Variants in CUBN observed in about 807,000 individuals in gnomAD.
CUBN encodes 460 kDa receptor.
In CUBN, 282 loss-of-function variants were observed where a neutral mutation model predicts 405.3. The ratio of observed to expected loss-of-function variants is 0.70; its 90% confidence interval spans 0.63 to 0.77. CUBN has a LOEUF of 0.77. Ranked by LOEUF, CUBN falls within the 30% of genes least tolerant of loss-of-function variation. CUBN has a pLI of 0.00. For missense variants in CUBN, 4,514 were observed against 4,475.2 expected (o/e 1.01, Z -0.25); for synonymous variants, 1,684 against 1,617.0 (o/e 1.04, Z -0.99).
chr10:17,075,405 G>A (rs903037435), intron 17 of CUBN, among the ~76,000 whole-genome samples: 4 of 151,882 alleles, frequency 2.6e-5, no homozygotes, highest in Non-Finnish European at 5.9e-5. Context: ...GATTTTAAAA[G>A]GATGATATTC....
At chr10:17,112,518 T>C (rs1397086944) in intron 8 of CUBN, among the ~76,000 whole-genome samples, 5 of 152,168 alleles carry the variant, frequency 3.3e-5, no homozygotes, top group Admixed American at 2.6e-4. Flanking sequence ...TGTAAAAACA[T>C]TGCCAATCTT....
At position 17,023,008 on chromosome 10, in the gene CUBN, C is replaced by T. The variant is rs187325495; in HGVS notation, c.4018-3025G>A. ...GCATGTTGCGGAATTATATTTCAATCCTGCACAAGGTCATGAACAGCATAG... is the reference window on the plus strand; with the variant it reads ...GCATGTTGCGGAATTATATTTCAATTCTGCACAAGGTCATGAACAGCATAG... On this transcript the variant is annotated intron_variant, in intron 27 of 66. Transcript: ENST00000377833. Among the ~76,000 whole-genome samples, 293 of 152,302 alleles carry T rather than the reference C, an allele frequency of 1.9e-3. 2 individuals carry two copies. Among genetic ancestry groups the T allele is most frequent in the African/African-American group, 6.7e-3 (277 of 41,554 alleles).
chr10:17,008,335 C>CGTGTGTGT (rs10678462), intron 28 of CUBN, among the ~76,000 whole-genome samples: 8 of 138,894 alleles, frequency 5.8e-5, no homozygotes, highest in South Asian at 2.4e-4. Flanking sequence ...AGTCCCTCCC[C>CGTGTGTGT]GTGTGTGTGT....
intron 38 of CUBN, among the ~76,000 whole-genome samples, chr10:16,938,340 C>A (rs1200929067): frequency 6.6e-6 from 1 of 152,126 alleles, no homozygotes; most frequent in African/African-American, 2.4e-5. Context: ...TCTCAAATTA[C>A]CTATTTTGAG....
chr10:17,045,887 C>G, intron 24 of CUBN, 47 bp downstream of exon 24: 1 of 1,596,844 alleles, frequency 6.3e-7, no homozygotes, highest in Non-Finnish European at 8.6e-7. Flanking sequence ...AATCAAGAAA[C>G]CAATCAGATT....
At chr10:16,911,513 C>T (rs1442854003) in intron 48 of CUBN, among the ~76,000 whole-genome samples, 1 of 152,118 alleles carries the variant, frequency 6.6e-6, no homozygotes, top group East Asian at 1.9e-4. Context: ...ATAAAACCCA[C>T]CAGCAGTAGC....
At chr10:16,937,529 C>T in intron 39 of CUBN, 63 bp downstream of exon 39, 1 of 1,392,040 alleles carries the variant, frequency 7.2e-7, no homozygotes, top group Non-Finnish European at 1.0e-6. Context: ...ATGATAGGAT[C>T]CTTTGAAACA....
At chr10:16,982,374 G>A (rs2131696811) in intron 31 of CUBN, 110 bp downstream of exon 31, 2 of 976,686 alleles carry the variant, frequency 2.0e-6, no homozygotes, top group Non-Finnish European at 3.2e-6. Context: ...GGTTTCCTAT[G>A]AATCGACATT....
At chr10:16,949,975 A>T (rs1188064670) in intron 34 of CUBN, 26 bp downstream of exon 34, 1 of 1,511,492 alleles carries the variant, frequency 6.6e-7, no homozygotes, top group South Asian at 1.1e-5. Context: ...AAGACCACAG[A>T]TGTAGATGAG....
At chr10:16,872,513 T>G (rs1840388320) in intron 58 of CUBN, among the ~76,000 whole-genome samples, 1 of 152,070 alleles carries the variant, frequency 6.6e-6, no homozygotes, top group Non-Finnish European at 1.5e-5. Context: ...GATTAGGTCA[T>G]GGGGGAGGAC....
Position 16,977,718 on chromosome 10 carries a change from C to T in CUBN, c.4695+4766G>A, listed in dbSNP as rs764789590. Among the ~76,000 whole-genome samples, 8 of 152,318 alleles carry T rather than the reference C, an allele frequency of 5.3e-5. No individual in the cohort carries two copies. In the East Asian group the frequency reaches 1.5e-3, roughly 29 times the overall value. ...AGAGCTAAAAGAGCACTGTAGCATG[C>T]CCACTAGGGCTCTGGGAGTTGTAGG... On this transcript the variant is annotated intron_variant, in intron 31 of 66. Coordinates refer to ENST00000377833, the MANE Select transcript of CUBN (RefSeq NM_001081.4).
intron 22 of CUBN, among the ~76,000 whole-genome samples, chr10:17,053,245 T>C (rs1167144929): frequency 6.6e-6 from 1 of 152,000 alleles, no homozygotes; most frequent in Non-Finnish European, 1.5e-5. Flanking sequence ...ACATTAGTTG[T>C]AAATGGTCTA....
In CUBN at chr10:16,840,490, A is replaced by G; in HGVS notation, c.9872T>C (p.Ile3291Thr). The change falls in exon 62 of 67, where the codon ATT becomes ACT. Residue 3291 changes from isoleucine to threonine, a missense_variant. Ile to Thr is a moderately conservative substitution (Grantham distance 89). This residue lies in a region of CUBN where 1,186 missense variants were observed against 1,186.9 expected (regional missense o/e 1.00). Transcript: ENST00000377833. Reference sequence around the variant, plus strand: ...TGGGTCTGATGAATTGGGTGATGAAATATTTTGTGGGGTCCAAGTTGCATT... The same window carrying G: ...TGGGTCTGATGAATTGGGTGATGAAGTATTTTGTGGGGTCCAAGTTGCATT... ...TYNATWTPQN[I>T]SSPNSSDPDV... 6.2e-7 allele frequency: 1 copy of G among 1,612,792 alleles called. No individual in the cohort carries two copies. The highest frequency in any genetic ancestry group is 1.3e-5 in the African/African-American group (1 of 75,038).
intron 54 of CUBN, among the ~76,000 whole-genome samples, chr10:16,898,066 GTATA>G (rs10551726): frequency 0.084 from 12,169 of 144,714 alleles, 610 homozygotes; most frequent in South Asian, 0.12. Flanking sequence ...TTTATTATAT[GTATA>G]TATATATATA....
chr10:17,103,351 G>C (rs866472073), intron 12 of CUBN, 114 bp from the exon 13 acceptor site: 2 of 718,994 alleles, frequency 2.8e-6, no homozygotes, highest in African/African-American at 1.7e-5. Context: ...GAAGGTTGGA[G>C]ATAAAAGCCC....
At chr10:17,068,381 A>G in intron 20 of CUBN, 101 bp from the exon 21 acceptor site, 1 of 1,290,254 alleles carries the variant, frequency 7.8e-7, no homozygotes, top group African/African-American at 1.5e-5. Context: ...TTAAAAGGAA[A>G]AATGTTTCTT....
At position 16,904,067 on chromosome 10, in the gene CUBN, G is replaced by A; in HGVS notation, c.7961C>T (p.Pro2654Leu). Residue 2654 changes from proline to leucine, a missense_variant, in exon 51 of 67, where the codon CCT becomes CTT. Coordinates refer to ENST00000377833, the MANE Select transcript of CUBN (RefSeq NM_001081.4). ...LMWRLCGPSK[P>L]TLPLVIPYSQ... ...ATAAGGTATAACCAATGGCAATGTA[G>A]GCTTTGAAGGACCACAAAGTCTCCA... 6.2e-7 allele frequency: 1 copy of A among 1,613,908 alleles called. No homozygotes were observed. Among genetic ancestry groups the A allele is most frequent in the Non-Finnish European group, 8.5e-7 (1 of 1,179,842 alleles).
Position 17,091,950 on chromosome 10 carries a change from TTTC to T in CUBN, c.1766-3608_1766-3606del, listed in dbSNP as rs1487529643. On this transcript the variant is annotated intron_variant, in intron 14 of 66. Coordinates refer to ENST00000377833, the MANE Select transcript of CUBN (RefSeq NM_001081.4). ...GAGTAGCCATTCTTCATTCTTTCAC[TTTC>T]TTAATAAACTTGCTTTCACTTTACT... Among the ~76,000 whole-genome samples the T allele has an allele frequency of 2.0e-5, 3 of 152,314 alleles. No individual in the cohort carries two copies. The South Asian group carries it at 6.2e-4, about 32-fold the overall frequency.
rs769842562 is a variant in CUBN, at chr10:16,851,347, T to A, written c.9551A>T (p.Asn3184Ile). ...DSNGMYDKNLNCVWIIIAPVN... is the reference protein window; with the variant it reads ...DSNGMYDKNLICVWIIIAPVN... ...AGGTGCAATTATGATCCATACACAG[T>A]TTAAATTCTTGTCATACATTCCATT... The change falls in exon 60 of 67, where the codon AAC becomes ATC. Residue 3184 changes from asparagine to isoleucine, a missense_variant. Physicochemically the swap from Asn to Ile is moderately radical, Grantham distance 149. Transcript: ENST00000377833. 1 of 1,614,140 alleles carries A rather than the reference T, an allele frequency of 6.2e-7. No individual in the cohort carries two copies. Among genetic ancestry groups the A allele is most frequent in the Non-Finnish European group, 8.5e-7 (1 of 1,180,008 alleles).
Sources: allele counts gnomAD v4.1 joint callset (sites outside exome capture counted in the v4.1 genomes callset), GRCh38; gene constraint gnomAD v4.1.1; regional missense constraint gnomAD v4.1.1; transcripts MANE v1.5; gene names NCBI Gene and HGNC (gene_info 2026-07-23, HGNC 2026-07-21).